PINX1: variants seen among roughly 807,000 people sequenced by gnomAD.
PINX1 encodes the protein PIN2 (TERF1) interacting telomerase inhibitor 1.
In PINX1, 34 loss-of-function variants were observed where a neutral mutation model predicts 25.4. That is an observed-to-expected ratio of 1.34 (90% confidence interval 1.02 to 1.78). PINX1 has a LOEUF of 1.78. PINX1 is among the 40% of genes most tolerant of loss of function. The pLI is 0.00. For missense variants in PINX1, 592 were observed against 404.9 expected (o/e 1.46, Z -3.97); for synonymous variants, 197 against 147.7 (o/e 1.33, Z -2.42).
In PINX1 at chr8:10,823,765, C is replaced by A. The variant is rs551652123; in HGVS notation, c.394+2387G>T. Among the ~76,000 whole-genome samples, 36 of 152,330 alleles carry A rather than the reference C, an allele frequency of 2.4e-4. 1 individual carries two copies. In the South Asian group the frequency reaches 4.8e-3, roughly 20 times the overall value. On this transcript the variant is annotated intron_variant, in intron 5 of 6. Transcript: ENST00000314787. ...ATCACTTGAGCCCAGAAGGTCAAGTCTGCAGTGAGCTGAGACTGTTCCTCT... is the reference window on the plus strand; with the variant it reads ...ATCACTTGAGCCCAGAAGGTCAAGTATGCAGTGAGCTGAGACTGTTCCTCT...
At chr8:10,777,771 T>C (rs1433512953) in intron 6 of PINX1, among the ~76,000 whole-genome samples, 2 of 152,210 alleles carry the variant, frequency 1.3e-5, no homozygotes, top group East Asian at 3.8e-4. Context: ...GAACCACCAC[T>C]TTCATTGCTT....
intron 1 of PINX1, among the ~76,000 whole-genome samples, chr8:10,835,902 CCA>C (rs1563242086): frequency 6.6e-6 from 1 of 151,966 alleles, no homozygotes; most frequent in African/African-American, 2.4e-5. Context: ...ATTATGAACT[CCA>C]GTTTATCACT....
chr8:10,817,732 G>A (rs1157957125), intron 6 of PINX1, among the ~76,000 whole-genome samples: 1 of 152,108 alleles, frequency 6.6e-6, no homozygotes, highest in Non-Finnish European at 1.5e-5. Context: ...CCCCGCCCAG[G>A]CTTCCTGAGT....
chr8:10,804,574 C>G (rs542723767), intron 6 of PINX1, among the ~76,000 whole-genome samples: 2 of 152,146 alleles, frequency 1.3e-5, no homozygotes, highest in South Asian at 4.2e-4. Context: ...AATAAGCTCT[C>G]AAAACGCTCT....
In PINX1 at chr8:10,765,230, A is replaced by T; in HGVS notation, c.*171T>A. 1.7e-6 allele frequency: 1 copy of T among 581,742 alleles called. No individual in the cohort carries two copies. Among genetic ancestry groups the T allele is most frequent in the Non-Finnish European group, 2.9e-6 (1 of 340,524 alleles). 36.0% of individuals were successfully genotyped at this position (581,742 alleles called of 1,614,324 possible). A position where few individuals can be genotyped will look rare whatever the true frequency, so the allele number is the denominator to read the frequency against. Reference sequence around the variant, plus strand: ...GAACATTAAAAAGGTCCTCCTGGGAATGTAACTTGGGGGAAATGTGGCGAG... The same window carrying T: ...GAACATTAAAAAGGTCCTCCTGGGATTGTAACTTGGGGGAAATGTGGCGAG... On this transcript the variant is annotated 3_prime_UTR_variant, in exon 7 of 7. Transcript: ENST00000314787.
chr8:10,798,973 T>C (rs1700108284), intron 6 of PINX1, among the ~76,000 whole-genome samples: 1 of 152,216 alleles, frequency 6.6e-6, no homozygotes, highest in Non-Finnish European at 1.5e-5. Context: ...CAAGCAGCAA[T>C]GATTTGATAT....
At chr8:10,831,903 A>G (rs1798237978) in intron 3 of PINX1, among the ~76,000 whole-genome samples, 160 bp from the exon 4 acceptor site, 1 of 152,272 alleles carries the variant, frequency 6.6e-6, no homozygotes, top group African/African-American at 2.4e-5. Context: ...TCAAGAAATA[A>G]TATAAAGTTA....
At chr8:10,823,711 C>T (rs1441289922) in intron 5 of PINX1, among the ~76,000 whole-genome samples, 2 of 152,058 alleles carry the variant, frequency 1.3e-5, no homozygotes, top group Non-Finnish European at 2.9e-5. Flanking sequence ...ACCTGTAGTC[C>T]CAGCACGCTG....
intron 6 of PINX1, 119 bp downstream of exon 6, chr8:10,820,074 C>G (rs1797819114): frequency 5.7e-6 from 4 of 707,014 alleles, no homozygotes; most frequent in Non-Finnish European, 1.0e-5. Flanking sequence ...CATGAAGCCT[C>G]CAAAGTGTTT....
chr8:10,800,459 C>A (rs1261146216), intron 6 of PINX1, among the ~76,000 whole-genome samples: 1 of 150,832 alleles, frequency 6.6e-6, no homozygotes, highest in African/African-American at 2.4e-5. Flanking sequence ...CATGATCTGA[C>A]TGAGAATAAA....
intron 5 of PINX1, 152 bp from the exon 6 acceptor site, chr8:10,820,421 C>T: frequency 1.5e-6 from 1 of 675,612 alleles, no homozygotes; most frequent in South Asian, 1.6e-5. Context: ...TTTTTCATTA[C>T]AACTCTTTCA....
chr8:10,812,078 G>T lies in PINX1; in HGVS notation c.471+8115C>A, dbSNP rs531933344. On this transcript the variant is annotated intron_variant, in intron 6 of 6. Transcript: ENST00000314787. Reference sequence around the variant, plus strand: ...ATTGGAACACCCTACCCAAGGTGAAGGTAACTTCACCTTGACACTCAACAG... The same window carrying T: ...ATTGGAACACCCTACCCAAGGTGAATGTAACTTCACCTTGACACTCAACAG... Among the ~76,000 whole-genome samples the T allele has an allele frequency of 2.6e-5, 4 of 152,254 alleles. No individual in the cohort carries two copies. The South Asian group carries it at 8.3e-4, about 32-fold the overall frequency.
chr8:10,809,949 C>T (rs1212497663), intron 6 of PINX1, among the ~76,000 whole-genome samples: 1 of 152,214 alleles, frequency 6.6e-6, no homozygotes, highest in Admixed American at 6.5e-5. Flanking sequence ...GTGCCGATGG[C>T]ATCTGCTCCT....
intron 6 of PINX1, among the ~76,000 whole-genome samples, chr8:10,805,071 T>G (rs1333668498): frequency 6.6e-6 from 1 of 152,110 alleles, no homozygotes; most frequent in Non-Finnish European, 1.5e-5. Context: ...TCTTTCCCAA[T>G]AGGACAATTA....
intron 5 of PINX1, among the ~76,000 whole-genome samples, chr8:10,822,969 A>G (rs1270305867): frequency 1.3e-5 from 2 of 152,236 alleles, no homozygotes; most frequent in Non-Finnish European, 2.9e-5. Context: ...ATCTTTTTAA[A>G]TGGCAAACAC....
chr8:10,775,632 T>G (rs981538387), intron 6 of PINX1, among the ~76,000 whole-genome samples: 66 of 152,160 alleles, frequency 4.3e-4, no homozygotes, highest in African/African-American at 1.5e-3. Flanking sequence ...GACCATAATT[T>G]GAGTGGCACT....
chr8:10,798,475 T>C (rs1411459475), intron 6 of PINX1, among the ~76,000 whole-genome samples: 1 of 152,198 alleles, frequency 6.6e-6, no homozygotes, highest in Non-Finnish European at 1.5e-5. Flanking sequence ...CCACTTGATA[T>C]ATATAAAAGA....
chr8:10,816,213 C>G (rs1563227996), intron 6 of PINX1, among the ~76,000 whole-genome samples: 1 of 152,158 alleles, frequency 6.6e-6, no homozygotes, highest in East Asian at 1.9e-4. Context: ...CAGATGGTAC[C>G]AATGCCAATT....
At chr8:10,833,034 A>G (rs542226124) in intron 2 of PINX1, 50 bp from the exon 3 acceptor site, 3 of 540,658 alleles carry the variant, frequency 5.5e-6, no homozygotes, top group Non-Finnish European at 7.9e-6. Flanking sequence ...ACTGATACTC[A>G]GAAGCAGAGC....
Sources: allele counts gnomAD v4.1 joint callset (sites outside exome capture counted in the v4.1 genomes callset), GRCh38; gene constraint gnomAD v4.1.1; transcripts MANE v1.5; gene names NCBI Gene and HGNC (gene_info 2026-07-23, HGNC 2026-07-21).